SYNJ1: variants seen among roughly 807,000 people sequenced by gnomAD.
SYNJ1 encodes the protein synaptojanin 1.
A neutral mutation model predicts 168.2 loss-of-function variants in SYNJ1; 78 were observed. The ratio of observed to expected loss-of-function variants is 0.46; its 90% CI spans 0.39 to 0.56. The LOEUF is 0.56. Ranked by LOEUF, SYNJ1 falls within the 20% of genes least tolerant of loss-of-function variation. The probability of loss-of-function intolerance (pLI) is 0.00; values close to 1 mark genes in which losing one functional copy is unlikely to be tolerated. For missense variants in SYNJ1, 1,303 were observed against 1,597.6 expected, an observed-to-expected ratio of 0.82 and a Z score of 3.14; for synonymous variants, 539 against 548.6, an observed-to-expected ratio of 0.98 and a Z score of 0.24.
chr21:32,690,033 T>C (rs888455280), intron 6 of SYNJ1, among the ~76,000 whole-genome samples: 1 of 152,244 alleles, frequency 6.6e-6, no homozygotes. Context: ...TGTTTACTGA[T>C]TAACATTTAT....
At chr21:32,700,256 A>G (rs1486032844) in intron 3 of SYNJ1, 151 bp from the exon 4 acceptor site, 1 of 876,854 alleles carries the variant, frequency 1.1e-6, no homozygotes, top group African/African-American at 1.7e-5. Flanking sequence ...TTTAGTTGAA[A>G]AAAATCCTTG....
At chr21:32,708,463 G>T (rs1157292134) in intron 2 of SYNJ1, among the ~76,000 whole-genome samples, 2 of 152,138 alleles carry the variant, frequency 1.3e-5, no homozygotes, top group Non-Finnish European at 2.9e-5. Context: ...ACCTTTCTTT[G>T]TAAGTTACTG....
At chr21:32,695,389 G>T in intron 4 of SYNJ1, 107 bp from the exon 5 acceptor site, 1 of 1,080,426 alleles carries the variant, frequency 9.3e-7, no homozygotes, top group Non-Finnish European at 1.3e-6. Flanking sequence ...AAATTTAAAG[G>T]CACAAACAAC....
intron 8 of SYNJ1, 75 bp downstream of exon 8, chr21:32,686,903 A>T: frequency 1.0e-6 from 1 of 991,246 alleles, no homozygotes; most frequent in Non-Finnish European, 1.5e-6. Context: ...GAATCTGATT[A>T]CTGTATTATT....
intron 31 of SYNJ1, 106 bp downstream of exon 31, chr21:32,638,802 C>T (rs1037366208): frequency 1.6e-5 from 17 of 1,076,146 alleles, no homozygotes; most frequent in East Asian, 7.4e-5. Context: ...AATTAAAACT[C>T]GTATTTATTT....
Position 32,699,951 on chromosome 21 carries a change from A to T in SYNJ1, c.366T>A (p.Val122=). 6.2e-7 allele frequency: 1 copy of T among 1,614,164 alleles called. No homozygotes were observed. The highest frequency in any genetic ancestry group is 1.3e-5 in the African/African-American group (1 of 75,062). Residue 122 remains valine, a synonymous_variant, in exon 4 of 33, where the codon GTT becomes GTA. Transcript: ENST00000674351. ...CAAAATAAAAGTTTCCTGAATTCAA[A>T]ACTTTCCGCACTTCTGAAATGCGAT... The part of the protein sequence containing the change: ...DEDRISEVRK[V]LNSGNFYFAW...
At chr21:32,712,481 A>G (rs2042862788) in intron 2 of SYNJ1, among the ~76,000 whole-genome samples, 1 of 152,220 alleles carries the variant, frequency 6.6e-6, no homozygotes, top group African/African-American at 2.4e-5. Context: ...ATTCCAGCTG[A>G]AAGATATTAA....
chr21:32,678,524 CT>C, intron 12 of SYNJ1, 120 bp downstream of exon 12: 1 of 1,104,826 alleles, frequency 9.1e-7, no homozygotes, highest in Non-Finnish European at 1.2e-6. Context: ...CAAAAATTAC[CT>C]TTACAGAAAT....
At chr21:32,666,253 C>T in intron 16 of SYNJ1, 118 bp from the exon 17 acceptor site, 4 of 1,431,550 alleles carry the variant, frequency 2.8e-6, no homozygotes, top group Non-Finnish European at 3.8e-6. Context: ...TGAGGGCAAG[C>T]CTTTGAAATA....
At chr21:32,707,982 C>G (rs1344387936) in intron 2 of SYNJ1, among the ~76,000 whole-genome samples, 2 of 152,170 alleles carry the variant, frequency 1.3e-5, no homozygotes, top group Non-Finnish European at 2.9e-5. Context: ...TGCCACCGCA[C>G]TCCAGCCTGG....
chr21:32,697,794 CAAAAA>C (rs927544548), intron 4 of SYNJ1, among the ~76,000 whole-genome samples: 2 of 152,180 alleles, frequency 1.3e-5, no homozygotes, highest in Non-Finnish European at 2.9e-5. Flanking sequence ...GAGTGACACT[CAAAAA>C]AATCAATCAA....
intron 22 of SYNJ1, 114 bp downstream of exon 22, chr21:32,653,174 A>G (rs1449713196): frequency 5.0e-6 from 4 of 801,924 alleles, no homozygotes; most frequent in Non-Finnish European, 8.1e-6. Flanking sequence ...CGAACATACC[A>G]TAAGGTCTTT....
intron 8 of SYNJ1, among the ~76,000 whole-genome samples, chr21:32,686,296 C>A (rs2041836007): frequency 6.6e-6 from 1 of 152,046 alleles, no homozygotes; most frequent in Non-Finnish European, 1.5e-5. Context: ...AAAGTATAAT[C>A]TGTTTATTAA....
Position 32,679,980 on chromosome 21 carries a change from A to T in SYNJ1, c.1354-1179T>A, listed in dbSNP as rs538691994. Among the ~76,000 whole-genome samples, 3 of 152,142 alleles carry T rather than the reference A, an allele frequency of 2.0e-5. No individual in the cohort carries two copies. The East Asian group carries it at 5.8e-4, about 29-fold the overall frequency. On this transcript the variant is annotated intron_variant, in intron 11 of 32. Coordinates refer to ENST00000674351, the MANE Select transcript of SYNJ1 (RefSeq NM_203446.3). ...TAAAAGACCACTGAAAATATATGTA[A>T]CCTCTGTACATATATTGTAGTCACT...
intron 21 of SYNJ1, among the ~76,000 whole-genome samples, chr21:32,654,403 T>C (rs2040387082): frequency 6.6e-6 from 1 of 152,204 alleles, no homozygotes; most frequent in Admixed American, 6.5e-5. Flanking sequence ...TGCAGGATGC[T>C]ATCCTTTGAA....
Position 32,639,753 on chromosome 21 carries a change from G to A in SYNJ1, c.3615C>T (p.Ile1205=). The A allele has an allele frequency of 6.2e-7, 1 of 1,614,062 alleles. No homozygotes were observed. The highest frequency in any genetic ancestry group is 8.5e-7 in the Non-Finnish European group (1 of 1,179,958). Reference sequence around the variant, plus strand: ...CCCGCGCGTGGCTCTGTGGGGCACTGATAACTCCAGCACGAGGAGGAATCG... The same window carrying A: ...CCCGCGCGTGGCTCTGTGGGGCACTAATAACTCCAGCACGAGGAGGAATCG... ...RPTIPPRAGV[I]SAPQSHARAS... is the part of the protein sequence containing the mutation. The change falls in exon 30 of 33, where the codon ATC becomes ATT. Residue 1205 remains isoleucine, a synonymous_variant. Transcript: ENST00000674351.
chr21:32,652,470 G>A (rs1270961560), intron 22 of SYNJ1, among the ~76,000 whole-genome samples: 1 of 152,116 alleles, frequency 6.6e-6, no homozygotes, highest in East Asian at 1.9e-4. Context: ...CAAAGTGCTG[G>A]GATTACAGGC....
intron 2 of SYNJ1, among the ~76,000 whole-genome samples, chr21:32,720,543 A>T (rs2043183802): frequency 6.6e-6 from 1 of 152,264 alleles, no homozygotes; most frequent in Non-Finnish European, 1.5e-5. Flanking sequence ...GAATCTCATA[A>T]GGACAACTTG....
chr21:32,696,271 T>C (rs1362362087), intron 4 of SYNJ1, among the ~76,000 whole-genome samples: 4 of 152,248 alleles, frequency 2.6e-5, no homozygotes, highest in African/African-American at 7.2e-5. Flanking sequence ...GGGTTTATCA[T>C]CGCTCCAAAT....
Sources: gnomAD v4.1 joint callset for allele counts (sites outside exome capture counted in the v4.1 genomes callset) on GRCh38, gnomAD v4.1.1 for gene constraint, MANE v1.5 for transcripts, NCBI Gene and HGNC (gene_info 2026-07-23, HGNC 2026-07-21) for gene names.